FARS2: variants seen among roughly 807,000 people sequenced by gnomAD.
The protein encoded by FARS2 is phenylalanine--tRNA ligase, mitochondrial.
FARS2 carries 40 observed loss-of-function variants against 46.4 expected under a neutral mutation model. That is an observed-to-expected ratio of 0.86 (90% confidence interval 0.67 to 1.12). FARS2 has a LOEUF of 1.12. FARS2 is among the 50% of genes most tolerant of loss of function. The pLI is 0.00. For synonymous variants in FARS2, 234 were observed against 214.9 expected, an observed-to-expected ratio of 1.09 and a Z score of -0.78; for missense variants, 513 against 567.9, an observed-to-expected ratio of 0.90 and a Z score of 0.98.
intron 5 of FARS2, among the ~76,000 whole-genome samples, chr6:5,578,761 A>G (rs1773139358): frequency 6.8e-6 from 1 of 146,888 alleles, no homozygotes; most frequent in Non-Finnish European, 1.5e-5. Flanking sequence ...GTGAGCCCAG[A>G]TCGTGCCACT....
chr6:5,729,411 G>T (rs1760483977), intron 6 of FARS2, among the ~76,000 whole-genome samples: 1 of 152,152 alleles, frequency 6.6e-6, no homozygotes, highest in African/African-American at 2.4e-5. Context: ...GGACGTCCCA[G>T]AGAGCAGGGG....
At chr6:5,746,042 G>A (rs1761615541) in intron 6 of FARS2, among the ~76,000 whole-genome samples, 1 of 152,112 alleles carries the variant, frequency 6.6e-6, no homozygotes, top group South Asian at 2.1e-4. Context: ...TCATATTTTA[G>A]CCCTTCTTTA....
chr6:5,520,624 G>A (rs1769074389), intron 4 of FARS2, among the ~76,000 whole-genome samples: 1 of 152,162 alleles, frequency 6.6e-6, no homozygotes, highest in South Asian at 2.1e-4. Context: ...GCGCATGGAA[G>A]TCTTGTTTGA....
At position 5,666,584 on chromosome 6, in the gene FARS2, AC is replaced by A. The variant is rs1778134899; in HGVS notation, c.1217+53265del. Among the ~76,000 whole-genome samples, 5 of 152,356 alleles carry A rather than the reference AC, an allele frequency of 3.3e-5. No homozygotes were observed. In the South Asian group the frequency reaches 1.0e-3, roughly 32 times the overall value. On this transcript the variant is annotated intron_variant, in intron 6 of 6. Coordinates refer to ENST00000274680, the MANE Select transcript of FARS2 (RefSeq NM_006567.5). ...TGCTAGACACTGGAGGCAAAGACAGACAAACAGACAAAATAATTAAAATGTG... is the reference window on the plus strand; with the variant it reads ...TGCTAGACACTGGAGGCAAAGACAGAAAACAGACAAAATAATTAAAATGTG...
At chr6:5,268,490 G>T (rs1288917068) in intron 1 of FARS2, among the ~76,000 whole-genome samples, 2 of 152,096 alleles carry the variant, frequency 1.3e-5, no homozygotes, top group Middle Eastern at 3.2e-3. Flanking sequence ...TTTTTGTCAG[G>T]TTTGTTAAAG....
upstream of FARS2, among the ~76,000 whole-genome samples, chr6:5,256,361 G>A (rs1222992295): frequency 3.3e-5 from 5 of 151,614 alleles, no homozygotes; most frequent in Non-Finnish European, 7.4e-5. Context: ...GTAGTGGCAG[G>A]CACCTGTAAT....
intron 3 of FARS2, among the ~76,000 whole-genome samples, chr6:5,421,725 A>G (rs557488761): frequency 6.6e-6 from 1 of 152,298 alleles, no homozygotes; most frequent in South Asian, 2.1e-4. Flanking sequence ...AAACATAACA[A>G]AAGTTACTTT....
At chr6:5,671,461 C>T (rs1169784188) in intron 6 of FARS2, among the ~76,000 whole-genome samples, 1 of 152,150 alleles carries the variant, frequency 6.6e-6, no homozygotes, top group Non-Finnish European at 1.5e-5. Context: ...CTGTTTCTGC[C>T]GGAACTTCCT....
At chr6:5,730,758 T>C (rs1419999404) in intron 6 of FARS2, among the ~76,000 whole-genome samples, 1 of 152,194 alleles carries the variant, frequency 6.6e-6, no homozygotes, top group Non-Finnish European at 1.5e-5. Flanking sequence ...GTTCTTTTGG[T>C]AGTAGTAATC....
intron 6 of FARS2, among the ~76,000 whole-genome samples, chr6:5,721,598 AGC>A (rs1759914492): frequency 6.6e-6 from 1 of 152,182 alleles, no homozygotes; most frequent in Non-Finnish European, 1.5e-5. Flanking sequence ...AACTCTTTTA[AGC>A]GTCGACACAT....
chr6:5,253,630 G>C, the FARS2 span, among the ~76,000 whole-genome samples: 1 of 152,106 alleles, frequency 6.6e-6, no homozygotes, highest in Non-Finnish European at 1.5e-5. Flanking sequence ...TTTTGCAAAG[G>C]AGACGAGAGC....
intron 5 of FARS2, among the ~76,000 whole-genome samples, chr6:5,558,961 C>T (rs1285940442): frequency 6.6e-6 from 1 of 152,056 alleles, no homozygotes; most frequent in African/African-American, 2.4e-5. Flanking sequence ...AGCGATTTTG[C>T]ATCTATTTTG....
At position 5,572,530 on chromosome 6, in the gene FARS2, C is replaced by T. The variant is rs185980032; in HGVS notation, c.1065+27190C>T. On this transcript the variant is annotated intron_variant, in intron 5 of 6. Transcript: ENST00000274680. ...AAAAAACAAATAGTAAGAAAGAGAT[C>T]GATGACTGCCTCCCATACAAATGTA... Among the ~76,000 whole-genome samples, 7 of 152,204 alleles carry T rather than the reference C, an allele frequency of 4.6e-5. No homozygotes were observed. The East Asian group carries it at 5.8e-4, about 13-fold the overall frequency.
In FARS2 at chr6:5,480,905, AAAC is replaced by A. The variant is rs1172441222; in HGVS notation, c.904+49738_904+49740del. 3.3e-5 allele frequency among the ~76,000 whole-genome samples: 5 copies of A among 152,356 alleles called. No individual in the cohort carries two copies. The East Asian group carries it at 7.7e-4, about 24-fold the overall frequency. ...AGGATCTATAGAAGACTAAAAATGA[AAAC>A]AACATCGAGTGTGTATGAGTGTGTG... On this transcript the variant is annotated intron_variant, in intron 4 of 6. Transcript: ENST00000274680.
chr6:5,462,264 G>T (rs1582178069), intron 4 of FARS2, among the ~76,000 whole-genome samples: 1 of 151,946 alleles, frequency 6.6e-6, no homozygotes, highest in Non-Finnish European at 1.5e-5. Context: ...TTATTATTCA[G>T]TTGTAAGAGT....
intron 1 of FARS2, among the ~76,000 whole-genome samples, chr6:5,348,288 A>G (rs1324526934): frequency 1.3e-5 from 2 of 151,984 alleles, no homozygotes. Flanking sequence ...CAAGCTGCAC[A>G]TTTGGTCACT....
chr6:5,402,006 T>TCC (rs35400106), intron 2 of FARS2, among the ~76,000 whole-genome samples: 2 of 151,844 alleles, frequency 1.3e-5, no homozygotes, highest in African/African-American at 2.4e-5. Flanking sequence ...TGTTTTTTTT[T>TCC]CCCTCTTTAA....
chr6:5,729,061 A>G (rs1007066044), intron 6 of FARS2, among the ~76,000 whole-genome samples: 1 of 152,202 alleles, frequency 6.6e-6, no homozygotes, highest in Non-Finnish European at 1.5e-5. Context: ...CGGCATCTGC[A>G]GTGCTCACTC....
intron 1 of FARS2, among the ~76,000 whole-genome samples, chr6:5,267,820 C>T (rs1033609448): frequency 6.6e-6 from 1 of 151,838 alleles, no homozygotes; most frequent in Admixed American, 6.6e-5. Context: ...CTCCCACCAA[C>T]AGTGTAAAAG....
Sources: gnomAD v4.1 joint callset for allele counts (sites outside exome capture counted in the v4.1 genomes callset) on GRCh38, gnomAD v4.1.1 for gene constraint, MANE v1.5 for transcripts, NCBI Gene and HGNC (gene_info 2026-07-23, HGNC 2026-07-21) for gene names.